Variants in DROSHA observed in about 807,000 individuals in gnomAD.
DROSHA encodes the protein drosha ribonuclease III, also known as ribonuclease 3.
In DROSHA, 56 loss-of-function variants were observed where a neutral mutation model predicts 181.9. The ratio of observed to expected loss-of-function variants is 0.31; its 90% CI spans 0.25 to 0.38. DROSHA has a LOEUF of 0.38. Ranked by LOEUF, DROSHA falls within the 10% of genes least tolerant of loss-of-function variation. The probability of loss-of-function intolerance (pLI) is 1.00; values close to 1 mark genes in which losing one functional copy is unlikely to be tolerated. For missense variants in DROSHA, 1,218 were observed against 1,743.5 expected, an observed-to-expected ratio of 0.70 and a Z score of 5.37; for synonymous variants, 524 against 591.2, an observed-to-expected ratio of 0.89 and a Z score of 1.65.
At chr5:31,477,716 C>T (rs1750563666) in intron 16 of DROSHA, among the ~76,000 whole-genome samples, 1 of 152,224 alleles carries the variant, frequency 6.6e-6, no homozygotes. Context: ...TAAGTGTGAT[C>T]TCACTATCTT....
chr5:31,404,387 C>T (rs1295334103), intron 35 of DROSHA, among the ~76,000 whole-genome samples: 6 of 152,110 alleles, frequency 3.9e-5, no homozygotes, highest in Non-Finnish European at 8.8e-5. Flanking sequence ...GGATGCTGGA[C>T]CCTGGCAGCA....
chr5:31,483,648 A>G lies in DROSHA; in HGVS notation c.1997-20T>C, dbSNP rs200233009. ...AAGGACCTGAAGCAAACAAATGAGA[A>G]AAAAAAAAAAAAAAGAAAACTCAGT... On this transcript the variant is annotated intron_variant, in intron 15 of 35. Coordinates refer to ENST00000344624, the MANE Select transcript of DROSHA (RefSeq NM_001382508.1). 2.0e-4 allele frequency: 57 copies of G among 291,398 alleles called. No homozygotes were observed. Among genetic ancestry groups the G allele is most frequent in the Non-Finnish European group, 1.1e-4 (25 of 235,380 alleles). The allele number at this position is 291,398 out of a possible 1,614,324, so 18.1% of individuals were successfully genotyped here.
chr5:31,512,244 T>A (rs1738776350), intron 8 of DROSHA, among the ~76,000 whole-genome samples: 1 of 152,208 alleles, frequency 6.6e-6, no homozygotes, highest in African/African-American at 2.4e-5. Flanking sequence ...GATGCCGGTA[T>A]AGCTTTGACA....
At chr5:31,495,147 A>G (rs1051440472) in intron 12 of DROSHA, 139 bp downstream of exon 12, 1 of 933,882 alleles carries the variant, frequency 1.1e-6, no homozygotes, top group African/African-American at 1.7e-5. Flanking sequence ...TCATCGTGAG[A>G]AAGGCCAATT....
intron 13 of DROSHA, among the ~76,000 whole-genome samples, chr5:31,488,685 T>C (rs1752067173): frequency 6.6e-6 from 1 of 152,144 alleles, no homozygotes; most frequent in East Asian, 1.9e-4. Context: ...TCAAGTACTT[T>C]AAGTTACAGA....
In DROSHA at chr5:31,486,400, C is replaced by G; in HGVS notation, c.1914+91G>C. ...CTTTAGAGATATTCCTGGCAAAAGC[C>G]AGATCTGGCCAAGTTCAATGCTTTA... On this transcript the variant is annotated intron_variant, in intron 14 of 35. Coordinates refer to ENST00000344624, the MANE Select transcript of DROSHA (RefSeq NM_001382508.1). 3 of 1,325,906 alleles carry G rather than the reference C, an allele frequency of 2.3e-6. 1 individual carries two copies. The highest frequency in any genetic ancestry group is 2.8e-5 in the South Asian group (2 of 72,648). 82.1% of individuals were successfully genotyped at this position (1,325,906 alleles called of 1,614,324 possible). A position where few individuals can be genotyped will look rare whatever the true frequency, so the allele number is the denominator to read the frequency against.
intron 17 of DROSHA, among the ~76,000 whole-genome samples, chr5:31,469,084 T>C (rs1460589421): frequency 6.6e-6 from 1 of 152,156 alleles, no homozygotes; most frequent in Non-Finnish European, 1.5e-5. Flanking sequence ...CTTGGGTGAA[T>C]TCACCCACAT....
intron 23 of DROSHA, among the ~76,000 whole-genome samples, chr5:31,440,621 C>T (rs543584838): frequency 2.0e-5 from 3 of 152,254 alleles, no homozygotes; most frequent in South Asian, 2.1e-4. Flanking sequence ...TATGTGAAAA[C>T]ATCACTCTGG....
intron 10 of DROSHA, among the ~76,000 whole-genome samples, chr5:31,504,841 C>T (rs890071628): frequency 1.3e-5 from 2 of 152,226 alleles, no homozygotes; most frequent in African/African-American, 4.8e-5. Flanking sequence ...CGTGTGACAA[C>T]ACCACATTCC....
chr5:31,478,274 A>C (rs903908591), intron 16 of DROSHA, among the ~76,000 whole-genome samples: 1 of 152,226 alleles, frequency 6.6e-6, no homozygotes. Flanking sequence ...CACATAAAAT[A>C]CACTGACACT....
chr5:31,494,095 A>G (rs914732531), intron 12 of DROSHA, among the ~76,000 whole-genome samples: 1 of 151,888 alleles, frequency 6.6e-6, no homozygotes, highest in African/African-American at 2.4e-5. Context: ...CAGCCTCCTA[A>G]GTAGCTGGGA....
At chr5:31,420,476 A>G (rs937307605) in intron 30 of DROSHA, among the ~76,000 whole-genome samples, 6 of 152,226 alleles carry the variant, frequency 3.9e-5, no homozygotes, top group African/African-American at 1.4e-4. Context: ...ACAAATAAAA[A>G]AGCTCACAAA....
intron 16 of DROSHA, among the ~76,000 whole-genome samples, chr5:31,476,012 T>A (rs1486088935): frequency 1.3e-5 from 2 of 152,188 alleles, no homozygotes; most frequent in Non-Finnish European, 2.9e-5. Context: ...GCTTCATTTC[T>A]GTAGAAAATG....
chr5:31,477,267 A>G (rs181001783), intron 16 of DROSHA, among the ~76,000 whole-genome samples: 81 of 152,206 alleles, frequency 5.3e-4, no homozygotes, highest in Non-Finnish European at 1.0e-3. Flanking sequence ...TTGTTAGAGA[A>G]TCTGTATTAA....
chr5:31,511,106 C>T lies in DROSHA; in HGVS notation c.1361G>A (p.Ser454Asn). Residue 454 changes from serine to asparagine, a missense_variant, in exon 9 of 36, where the codon AGC (serine) becomes AAC (asparagine). Ser to Asn is a conservative substitution (Grantham distance 46, BLOSUM62 1). Coordinates refer to ENST00000344624, the MANE Select transcript of DROSHA (RefSeq NM_001382508.1). ...AGCAGCTTTGGCCTTTTCTTGCCTG[C>T]TCCCCAACTCCTCCTCAAATTTGTC... Reference protein sequence around the residue: ...LYDKFEEELGSRQEKAKAARP... With the variant: ...LYDKFEEELGNRQEKAKAARP... The T allele has an allele frequency of 1.2e-6, 2 of 1,613,906 alleles. No individual in the cohort carries two copies. The highest frequency in any genetic ancestry group is 1.7e-6 in the Non-Finnish European group (2 of 1,179,858).
intron 26 of DROSHA, among the ~76,000 whole-genome samples, chr5:31,430,234 T>C (rs1744007474): frequency 1.3e-5 from 2 of 152,234 alleles, no homozygotes; most frequent in South Asian, 4.1e-4. Flanking sequence ...CATTCATTAT[T>C]TATTGATAAT....
chr5:31,463,491 CA>C (rs1259388209), intron 20 of DROSHA, among the ~76,000 whole-genome samples: 1 of 152,158 alleles, frequency 6.6e-6, no homozygotes, highest in East Asian at 1.9e-4. Flanking sequence ...AGTATTCTTC[CA>C]AAAGGCTGAA....
chr5:31,440,552 AG>A (rs1203428906), intron 23 of DROSHA, among the ~76,000 whole-genome samples: 1 of 152,222 alleles, frequency 6.6e-6, no homozygotes, highest in Non-Finnish European at 1.5e-5. Context: ...AAAATCTGCT[AG>A]GTTGTGAACA....
chr5:31,482,377 A>C (rs1226086881), intron 16 of DROSHA, among the ~76,000 whole-genome samples: 1 of 152,124 alleles, frequency 6.6e-6, no homozygotes, highest in Non-Finnish European at 1.5e-5. Flanking sequence ...CTGGTGGGGA[A>C]GGCAAAGGAA....
Sources: allele counts gnomAD v4.1 joint callset (sites outside exome capture counted in the v4.1 genomes callset), GRCh38; gene constraint gnomAD v4.1.1; transcripts MANE v1.5; gene names NCBI Gene and HGNC (gene_info 2026-07-23, HGNC 2026-07-21).